The following LRSAM1 variants were observed in gnomAD, a reference collection of about 807,000 sequenced individuals.
LRSAM1 encodes the protein E3 ubiquitin-protein ligase LRSAM1.
Under a neutral mutation model 118.1 loss-of-function variants are expected in LRSAM1, and 96 were observed. That is an observed-to-expected ratio of 0.81 (90% CI 0.69 to 0.96). LRSAM1 has a LOEUF of 0.96. Ranked by LOEUF, LRSAM1 falls within the 40% of genes least tolerant of loss-of-function variation. The pLI is 0.00. For synonymous variants in LRSAM1, 322 were observed against 364.2 expected (o/e 0.88, Z 1.32); for missense variants, 804 against 915.5 (o/e 0.88, Z 1.57).
chr9:127,470,425 T>C (rs1202705076), intron 10 of LRSAM1, among the ~76,000 whole-genome samples: 1 of 151,990 alleles, frequency 6.6e-6, no homozygotes, highest in East Asian at 1.9e-4. Context: ...ACTGCTCCCA[T>C]GATCTAATCA....
intron 18 of LRSAM1, among the ~76,000 whole-genome samples, chr9:127,488,235 C>T (rs753276297): frequency 1.4e-4 from 22 of 152,108 alleles, no homozygotes; most frequent in East Asian, 7.7e-4. Context: ...TCCTCCCCTT[C>T]GGTGTCCATA....
intron 9 of LRSAM1, 134 bp from the exon 10 acceptor site, chr9:127,467,606 G>C (rs1835005524): frequency 1.2e-6 from 1 of 867,828 alleles, no homozygotes; most frequent in Non-Finnish European, 1.9e-6. Context: ...TAACAAGACA[G>C]TTCAGCCACC....
intron 19 of LRSAM1, among the ~76,000 whole-genome samples, 163 bp from the exon 20 acceptor site, chr9:127,491,052 C>T (rs1246357755): frequency 6.6e-6 from 1 of 152,110 alleles, no homozygotes; most frequent in Non-Finnish European, 1.5e-5. Flanking sequence ...TTGTTCAAGC[C>T]CCTTGACGAG....
At chr9:127,494,450 G>A (rs1258582128) in intron 21 of LRSAM1, among the ~76,000 whole-genome samples, 2 of 152,354 alleles carry the variant, frequency 1.3e-5, no homozygotes, top group South Asian at 2.1e-4. Flanking sequence ...CCCTCACCTG[G>A]GAGGTAGAAT....
At chr9:127,500,924 G>C in intron 24 of LRSAM1, 86 bp from the exon 25 acceptor site, 1 of 1,598,290 alleles carries the variant, frequency 6.3e-7, no homozygotes, top group Admixed American at 1.7e-5. Context: ...CACTCACCAT[G>C]GGGATGGGCA....
intron 24 of LRSAM1, among the ~76,000 whole-genome samples, chr9:127,499,190 T>C (rs1337595305): frequency 1.3e-5 from 2 of 151,658 alleles, no homozygotes; most frequent in Non-Finnish European, 2.9e-5. Flanking sequence ...CTGGGCGACA[T>C]AGGGAGACCC....
intron 9 of LRSAM1, among the ~76,000 whole-genome samples, chr9:127,466,511 T>TATATATACA (rs1289068994): frequency 1.4e-4 from 11 of 80,640 alleles, no homozygotes; most frequent in African/African-American, 7.0e-4. Flanking sequence ...TATATTTTTT[T>TATATATACA]TTTTTTTTTT....
intron 11 of LRSAM1, among the ~76,000 whole-genome samples, chr9:127,477,110 A>G (rs1021659215): frequency 2.0e-5 from 3 of 152,228 alleles, no homozygotes; most frequent in African/African-American, 7.2e-5. Context: ...ATGTTTATAT[A>G]TGCACACAAA....
chr9:127,466,937 G>A (rs1358956022), intron 9 of LRSAM1, among the ~76,000 whole-genome samples: 6 of 152,064 alleles, frequency 3.9e-5, no homozygotes, highest in African/African-American at 1.2e-4. Context: ...TGGGGAGGTC[G>A]AGACTGCAGT....
At chr9:127,459,383 T>C (rs1834652079) in intron 7 of LRSAM1, among the ~76,000 whole-genome samples, 1 of 151,286 alleles carries the variant, frequency 6.6e-6, no homozygotes, top group Non-Finnish European at 1.5e-5. Flanking sequence ...CACTCCCAGC[T>C]AGTTTTTGTA....
chr9:127,475,636 A>G (rs1387304644), intron 11 of LRSAM1, among the ~76,000 whole-genome samples: 1 of 152,264 alleles, frequency 6.6e-6, no homozygotes, highest in African/African-American at 2.4e-5. Context: ...TCTGTTGGCC[A>G]GAGTATGGGA....
At chr9:127,490,028 T>G (rs1547840) in intron 19 of LRSAM1, among the ~76,000 whole-genome samples, 1 of 151,844 alleles carries the variant, frequency 6.6e-6, no homozygotes, top group South Asian at 2.1e-4. Context: ...GGTCCTCCTC[T>G]TAGACCCTCC....
At chr9:127,464,229 C>T (rs983952086) in intron 9 of LRSAM1, among the ~76,000 whole-genome samples, 3 of 152,202 alleles carry the variant, frequency 2.0e-5, no homozygotes, top group African/African-American at 2.4e-5. Context: ...GAGAAAGGGC[C>T]GGCTGGGGAG....
Position 127,454,968 on chromosome 9 carries a change from A to C in LRSAM1, c.73-30A>C, listed in dbSNP as rs7851331. The C allele has an allele frequency of 9.4e-3, 15,130 of 1,610,438 alleles. 1,173 individuals are homozygous for C. The African/African-American group carries it at 0.18, about 19-fold the overall frequency. ...CACTCTGCAAAGGTGTTTTGTCTTA[A>C]TACTTTTTAAAAATTCTTTTTATCC... On this transcript the variant is annotated intron_variant, in intron 3 of 25. Transcript: ENST00000300417.
At chr9:127,459,612 G>C (rs926139032) in intron 7 of LRSAM1, among the ~76,000 whole-genome samples, 3 of 151,958 alleles carry the variant, frequency 2.0e-5, no homozygotes, top group Non-Finnish European at 4.4e-5. Context: ...AGGCTGGAGT[G>C]CAGTGGCACC....
chr9:127,497,227 G>A (rs1293782803), intron 23 of LRSAM1, 26 bp from the exon 24 acceptor site: 7 of 1,612,318 alleles, frequency 4.3e-6, no homozygotes, highest in African/African-American at 1.3e-5. Context: ...CCAGGCCACA[G>A]TCTGCACTTC....
intron 9 of LRSAM1, among the ~76,000 whole-genome samples, chr9:127,464,619 G>A (rs937085482): frequency 5.3e-5 from 8 of 151,544 alleles, no homozygotes; most frequent in Non-Finnish European, 8.8e-5. Context: ...AAGCCATCTC[G>A]ACATCTAGTA....
intron 10 of LRSAM1, among the ~76,000 whole-genome samples, chr9:127,473,499 C>G (rs1835246883): frequency 6.6e-6 from 1 of 152,194 alleles, no homozygotes; most frequent in Non-Finnish European, 1.5e-5. Flanking sequence ...AGAGCTGGAT[C>G]TAGGACGCAG....
rs148986269 is a variant in LRSAM1 at position 127,490,602 on chromosome 9, T to C, written c.1423-613T>C. ...AGAAAGGGATCTCTCCCTTACCTGC[T>C]CTGTGTCCTTGAGCAAGTGAGAACC... On this transcript the variant is annotated intron_variant, in intron 19 of 25. Transcript: ENST00000300417. Among the ~76,000 whole-genome samples, 6 of 152,298 alleles carry C rather than the reference T, an allele frequency of 3.9e-5. No individual in the cohort carries two copies. In the East Asian group the frequency reaches 1.2e-3, roughly 29 times the overall value.
Sources: gnomAD v4.1 joint callset for allele counts (sites outside exome capture counted in the v4.1 genomes callset) on GRCh38, gnomAD v4.1.1 for gene constraint, MANE v1.5 for transcripts, NCBI Gene and HGNC (gene_info 2026-07-23, HGNC 2026-07-21) for gene names.